The following ELOVL7 variants were observed in gnomAD, a reference collection of about 807,000 sequenced individuals.
ELOVL7 encodes very long chain fatty acid elongase 7.
A neutral mutation model predicts 35.7 loss-of-function variants in ELOVL7; 27 were observed. That is an observed-to-expected ratio of 0.76 (90% CI 0.56 to 1.04). The LOEUF (loss-of-function observed/expected upper bound fraction) is 1.04, where lower values mean the gene tolerates loss of function less well. ELOVL7 is among the 50% of genes least tolerant of loss of function. ELOVL7 has a pLI of 0.00. For missense variants in ELOVL7, 327 were observed against 340.8 expected, an observed-to-expected ratio of 0.96 and a Z score of 0.32; for synonymous variants, 113 against 114.6, an observed-to-expected ratio of 0.99 and a Z score of 0.09.
At chr5:60,807,206 T>C (rs1744982227) in intron 1 of ELOVL7, among the ~76,000 whole-genome samples, 1 of 152,026 alleles carries the variant, frequency 6.6e-6, no homozygotes, top group Admixed American at 6.5e-5. Context: ...ACAGGATTGA[T>C]TCTGATTATG....
intron 2 of ELOVL7, among the ~76,000 whole-genome samples, chr5:60,796,398 A>C (rs148443445): frequency 2.8e-4 from 43 of 152,328 alleles, no homozygotes; most frequent in African/African-American, 1.0e-3. Flanking sequence ...GGGGGCAGAC[A>C]ATTCTTAGTT....
At chr5:60,786,601 G>A (rs994868801) in intron 3 of ELOVL7, among the ~76,000 whole-genome samples, 1 of 152,100 alleles carries the variant, frequency 6.6e-6, no homozygotes, top group African/African-American at 2.4e-5. Context: ...TGGTTTTCCT[G>A]TTCCCTGTTC....
In ELOVL7 at chr5:60,754,471, T is replaced by A; in HGVS notation, c.*153A>T. ...ATCAGAAGACTGTTATCTGGAAGCTTCGGGCTCTCAAATATCAGACATCCC... is the reference window on the plus strand; with the variant it reads ...ATCAGAAGACTGTTATCTGGAAGCTACGGGCTCTCAAATATCAGACATCCC... On this transcript the variant is annotated 3_prime_UTR_variant, in exon 9 of 9. Coordinates refer to ENST00000508821, the MANE Select transcript of ELOVL7 (RefSeq NM_024930.3). 1 of 653,818 alleles carries A rather than the reference T, an allele frequency of 1.5e-6. No homozygotes were observed. The highest frequency in any genetic ancestry group is 2.6e-6 in the Non-Finnish European group (1 of 387,060). The allele number at this position is 653,818 out of a possible 1,614,324, so 40.5% of individuals were successfully genotyped here.
At chr5:60,760,673 G>T (rs1283969951) in intron 7 of ELOVL7, among the ~76,000 whole-genome samples, 1 of 152,130 alleles carries the variant, frequency 6.6e-6, no homozygotes, top group East Asian at 1.9e-4. Context: ...TTTGGCTTTT[G>T]TTGCCATTGC....
chr5:60,821,443 C>T (rs1357252744), intron 1 of ELOVL7, among the ~76,000 whole-genome samples: 1 of 152,238 alleles, frequency 6.6e-6, no homozygotes, highest in Non-Finnish European at 1.5e-5. Context: ...TCCAACTCAG[C>T]AAGCCCAAGT....
intron 1 of ELOVL7, among the ~76,000 whole-genome samples, chr5:60,839,326 C>A (rs985739189): frequency 7.2e-5 from 11 of 151,742 alleles, no homozygotes; most frequent in African/African-American, 1.9e-4. Context: ...GTCGACAGAG[C>A]AAGATTCCGT....
chr5:60,787,641 G>A (rs1173571223), intron 2 of ELOVL7, among the ~76,000 whole-genome samples: 1 of 152,152 alleles, frequency 6.6e-6, no homozygotes, highest in Non-Finnish European at 1.5e-5. Context: ...TAGAGACACT[G>A]CTAACATCAC....
intron 2 of ELOVL7, among the ~76,000 whole-genome samples, chr5:60,792,269 A>G (rs562692362): frequency 1.3e-5 from 2 of 152,172 alleles, no homozygotes; most frequent in South Asian, 4.1e-4. Context: ...AGTCTTTACT[A>G]TTTGTGGGCC....
intron 1 of ELOVL7, among the ~76,000 whole-genome samples, chr5:60,827,919 A>G (rs1334912288): frequency 1.3e-5 from 2 of 150,252 alleles, no homozygotes; most frequent in Non-Finnish European, 3.0e-5. Flanking sequence ...TCTTTCTTTC[A>G]CTCTTTCTGC....
intron 1 of ELOVL7, among the ~76,000 whole-genome samples, chr5:60,838,244 C>G (rs1360575302): frequency 6.6e-6 from 1 of 152,146 alleles, no homozygotes; most frequent in Non-Finnish European, 1.5e-5. Context: ...CTGCATCTCC[C>G]TGATCGCACC....
At position 60,771,977 on chromosome 5, in the gene ELOVL7, G is replaced by C. The variant is rs1416299202; in HGVS notation, c.181C>G (p.Pro61Ala). 3 of 1,613,956 alleles carry C rather than the reference G, an allele frequency of 1.9e-6. No individual in the cohort carries two copies. Among genetic ancestry groups the C allele is most frequent in the Non-Finnish European group, 8.5e-7 (1 of 1,179,904 alleles). Residue 61 changes from proline (P) to alanine (A), a missense_variant, in exon 4 of 9, where the codon CCC becomes GCC. Pro to Ala is a conservative substitution (Grantham distance 27). Transcript: ENST00000508821. ...LGPKLMENRKPFELKKAMITY... is the reference protein window; with the variant it reads ...LGPKLMENRKAFELKKAMITY... ...ATCATTGCTTTCTTGAGTTCAAAGGGCTTGCGATTTTCCATGAGCTTTGGT... is the reference window on the plus strand; with the variant it reads ...ATCATTGCTTTCTTGAGTTCAAAGGCCTTGCGATTTTCCATGAGCTTTGGT...
intron 4 of ELOVL7, among the ~76,000 whole-genome samples, chr5:60,769,369 C>T (rs931186945): frequency 6.6e-6 from 1 of 152,180 alleles, no homozygotes; most frequent in Non-Finnish European, 1.5e-5. Context: ...TTACCCTACC[C>T]CAAACAAGCA....
chr5:60,818,458 A>C (rs1457664740), intron 1 of ELOVL7, among the ~76,000 whole-genome samples: 2 of 152,204 alleles, frequency 1.3e-5, no homozygotes, highest in Non-Finnish European at 2.9e-5. Context: ...TGGAAAGAGT[A>C]ATAAGCAACT....
At chr5:60,803,047 C>T (rs1744734962) in intron 1 of ELOVL7, among the ~76,000 whole-genome samples, 1 of 152,182 alleles carries the variant, frequency 6.6e-6, no homozygotes, top group South Asian at 2.1e-4. Flanking sequence ...CTTTGTGTCT[C>T]TTTTTGGGAG....
intron 1 of ELOVL7, among the ~76,000 whole-genome samples, chr5:60,827,824 G>A (rs955263714): frequency 6.6e-6 from 1 of 152,138 alleles, no homozygotes; most frequent in African/African-American, 2.4e-5. Flanking sequence ...CAGGTGACCA[G>A]TTTTGGTACC....
rs539097760 is a variant in ELOVL7, at chr5:60,788,471, T to A, written c.-34-1040A>T. Among the ~76,000 whole-genome samples the A allele has an allele frequency of 9.2e-5, 14 of 152,148 alleles. No homozygotes were observed. In the South Asian group the frequency reaches 2.7e-3, roughly 29 times the overall value. On this transcript the variant is annotated intron_variant, in intron 2 of 8. Transcript: ENST00000508821. The stretch of plus-strand genomic sequence containing the variant: ...AAAATGGTGAAAATAATAGGTATAT[T>A]TTACCATGATTTTTAAAAATTGGCC...
intron 2 of ELOVL7, among the ~76,000 whole-genome samples, chr5:60,793,105 T>C (rs765536007): frequency 2.6e-5 from 4 of 151,936 alleles, no homozygotes; most frequent in Non-Finnish European, 5.9e-5. Context: ...GTTTGAGGAG[T>C]GGGAGGCCCT....
chr5:60,780,530 G>A (rs185090411), intron 3 of ELOVL7, among the ~76,000 whole-genome samples: 4 of 152,140 alleles, frequency 2.6e-5, no homozygotes, highest in South Asian at 2.1e-4. Flanking sequence ...TTATAGTAGC[G>A]CCCCATTCTG....
At chr5:60,843,618 G>C (rs1289122954) in intron 1 of ELOVL7, 1 of 152,352 alleles carries the variant, frequency 6.6e-6, no homozygotes, top group African/African-American at 2.4e-5. Flanking sequence ...GAAGGAAACA[G>C]AAAGAAAGGG....
Sources: gnomAD v4.1 joint callset for allele counts (sites outside exome capture counted in the v4.1 genomes callset) on GRCh38, gnomAD v4.1.1 for gene constraint, MANE v1.5 for transcripts, NCBI Gene and HGNC (gene_info 2026-07-23, HGNC 2026-07-21) for gene names.